Variants in CATSPERT observed in about 807,000 individuals in gnomAD.
CATSPERT encodes catsper channel auxiliary subunit tau, also known as cation channel sperm-associated targeting subunit tau.
At chr2:201,556,842 A>G in the CATSPERT span, 3 of 150,974 alleles carry the variant, frequency 2.0e-5, no homozygotes, top group African/African-American at 7.3e-5. Flanking sequence ...TATAAATAAT[A>G]AATAAATAAA....
chr2:201,487,825 C>T, the CATSPERT span: 20 of 1,613,892 alleles, frequency 1.2e-5, no homozygotes, highest in East Asian at 2.2e-4. Flanking sequence ...TTCCTAAAAG[C>T]CTTGATCTTG....
chr2:201,535,669 A>G, the CATSPERT span: 1 of 1,191,536 alleles, frequency 8.4e-7, no homozygotes, highest in Non-Finnish European at 1.0e-6. Flanking sequence ...AAAGTTTTTT[A>G]TCCTCATTTC....
At chr2:201,618,010 T>C in the CATSPERT span, among the ~76,000 whole-genome samples, 1 of 152,102 alleles carries the variant, frequency 6.6e-6, no homozygotes, top group Non-Finnish European at 1.5e-5. Context: ...CACAATGAGA[T>C]ACCATCTCAC....
the CATSPERT span, among the ~76,000 whole-genome samples, chr2:201,562,962 A>G: frequency 1.3e-5 from 2 of 149,632 alleles, no homozygotes; most frequent in Admixed American, 1.3e-4. Flanking sequence ...TCTTTTCCCC[A>G]CCTTTCCCCC....
At chr2:201,519,332 C>G in the CATSPERT span, among the ~76,000 whole-genome samples, 1 of 151,840 alleles carries the variant, frequency 6.6e-6, no homozygotes, top group East Asian at 1.9e-4. Context: ...ATCCAGTGTA[C>G]CCTGCTGAAC....
chr2:201,545,453 A>T, the CATSPERT span: 3 of 872,210 alleles, frequency 3.4e-6, no homozygotes, highest in Non-Finnish European at 5.3e-6. Context: ...ACAGAAATCT[A>T]CTTAAAGCAA....
chr2:201,619,155 G>C, the CATSPERT span: 3 of 1,611,276 alleles, frequency 1.9e-6, no homozygotes, highest in Non-Finnish European at 2.5e-6. Context: ...CGGCCTGTCT[G>C]CGCCCAACCG....
chr2:201,552,088 C>G, the CATSPERT span, among the ~76,000 whole-genome samples: 8 of 151,198 alleles, frequency 5.3e-5, no homozygotes, highest in East Asian at 5.8e-4. Context: ...CTCCACCCCC[C>G]AGGCCCAAGT....
chr2:201,515,366 C>T, the CATSPERT span, among the ~76,000 whole-genome samples: 1 of 151,228 alleles, frequency 6.6e-6, no homozygotes, highest in Admixed American at 6.6e-5. Flanking sequence ...TCCTGAGTAG[C>T]TGGGACCACA....
chr2:201,600,341 AAAAC>A, the CATSPERT span, among the ~76,000 whole-genome samples: 2 of 152,208 alleles, frequency 1.3e-5, no homozygotes, highest in Admixed American at 6.5e-5. Flanking sequence ...CAAGGACAGA[AAAAC>A]AAACACCGCA....
chr2:201,602,009 GA>G, the CATSPERT span: 1 of 642,954 alleles, frequency 1.6e-6, no homozygotes, highest in South Asian at 3.1e-5. Flanking sequence ...TTAAACAATA[GA>G]AAAAAAGTAT....
chr2:201,560,697 TC>T, the CATSPERT span, among the ~76,000 whole-genome samples: 1 of 151,964 alleles, frequency 6.6e-6, no homozygotes, highest in Admixed American at 6.6e-5. Flanking sequence ...GAAACTGAAT[TC>T]TTCAAACAAC....
At chr2:201,525,246 A>C in the CATSPERT span, among the ~76,000 whole-genome samples, 2 of 152,230 alleles carry the variant, frequency 1.3e-5, no homozygotes, top group African/African-American at 4.8e-5. Flanking sequence ...AAAAAAAATT[A>C]TATCAACCAT....
At chr2:201,582,886 C>T in the CATSPERT span, among the ~76,000 whole-genome samples, 2 of 152,100 alleles carry the variant, frequency 1.3e-5, no homozygotes, top group African/African-American at 4.8e-5. Flanking sequence ...CCGATATCAG[C>T]CTTCTTAAAG....
chr2:201,570,803 T>G, the CATSPERT span, among the ~76,000 whole-genome samples: 2 of 152,184 alleles, frequency 1.3e-5, no homozygotes, highest in East Asian at 3.9e-4. Flanking sequence ...CTTTTACTTC[T>G]GTGCTCTATC....
chr2:201,550,734 T>G, the CATSPERT span: 1 of 152,228 alleles, frequency 6.6e-6, no homozygotes, highest in Non-Finnish European at 1.5e-5. Context: ...TAATCTCCTT[T>G]ATCCTATTTT....
the CATSPERT span, among the ~76,000 whole-genome samples, chr2:201,546,760 C>T: frequency 6.6e-6 from 1 of 152,116 alleles, no homozygotes; most frequent in African/African-American, 2.4e-5. Flanking sequence ...CACAGTCCAG[C>T]TTCTACTCCT....
chr2:201,537,324 CTGAG>C, the CATSPERT span: 1 of 846,140 alleles, frequency 1.2e-6, no homozygotes, highest in South Asian at 2.3e-5. Flanking sequence ...CATAAAACAA[CTGAG>C]TAACTTCTTG....
chr2:201,602,176 C>T, the CATSPERT span, among the ~76,000 whole-genome samples: 1 of 151,742 alleles, frequency 6.6e-6, no homozygotes, highest in Non-Finnish European at 1.5e-5. Flanking sequence ...TAAGTATATG[C>T]AATATATAGT....
Sources: allele counts gnomAD v4.1 joint callset (sites outside exome capture counted in the v4.1 genomes callset), GRCh38; gene constraint gnomAD v4.1.1; transcripts MANE v1.5; gene names NCBI Gene and HGNC (gene_info 2026-07-23, HGNC 2026-07-21).